Variants in SHC4 observed in about 807,000 individuals in gnomAD.
SHC4 encodes the protein SHC adaptor protein 4, also known as SHC-transforming protein 4.
SHC4 carries 41 observed loss-of-function variants against 69.4 expected under a neutral mutation model. The ratio of observed to expected loss-of-function variants is 0.59; its 90% CI spans 0.46 to 0.77. SHC4 has a LOEUF of 0.77. Ranked by LOEUF, SHC4 falls within the 30% of genes least tolerant of loss-of-function variation. The probability of loss-of-function intolerance (pLI) is 0.00; values close to 1 mark genes in which losing one functional copy is unlikely to be tolerated. For synonymous variants in SHC4, 318 were observed against 299.3 expected (o/e 1.06, Z -0.64); for missense variants, 777 against 783.8 (o/e 0.99, Z 0.10).
intron 1 of SHC4, among the ~76,000 whole-genome samples, chr15:48,944,515 G>C (rs1006098388): frequency 2.6e-5 from 4 of 152,146 alleles, no homozygotes; most frequent in Non-Finnish European, 4.4e-5. Context: ...TTGCAATCTT[G>C]AATGAGCCCA....
At chr15:48,919,473 G>C (rs1900700830) in intron 2 of SHC4, among the ~76,000 whole-genome samples, 1 of 151,012 alleles carries the variant, frequency 6.6e-6, no homozygotes, top group East Asian at 1.9e-4. Flanking sequence ...ATTTTTGGTA[G>C]AGATGGGATT....
chr15:48,901,248 A>T lies in SHC4; in HGVS notation c.657-10437T>A, dbSNP rs190235427. Among the ~76,000 whole-genome samples, 69 of 152,346 alleles carry T rather than the reference A, an allele frequency of 4.5e-4. 1 individual carries two copies. The highest frequency in any genetic ancestry group is 1.6e-3 in the African/African-American group (68 of 41,574). ...TTCTCTGACTCTTGCTCTAAAGCAAACCGGAAACAAATGTAAGAGGCTTTG... is the reference window on the plus strand; with the variant it reads ...TTCTCTGACTCTTGCTCTAAAGCAATCCGGAAACAAATGTAAGAGGCTTTG... On this transcript the variant is annotated intron_variant, in intron 2 of 11. Coordinates refer to ENST00000332408, the MANE Select transcript of SHC4 (RefSeq NM_203349.4).
chr15:48,834,605 C>A (rs1478469717), intron 11 of SHC4, among the ~76,000 whole-genome samples, 164 bp downstream of exon 11: 1 of 152,078 alleles, frequency 6.6e-6, no homozygotes, highest in Non-Finnish European at 1.5e-5. Flanking sequence ...CTACTCTAAC[C>A]CCTCCACTAC....
At chr15:48,962,212 C>T (rs1376317407) in intron 1 of SHC4, among the ~76,000 whole-genome samples, 3 of 152,162 alleles carry the variant, frequency 2.0e-5, no homozygotes, top group East Asian at 1.9e-4. Flanking sequence ...CAAGTTAGCA[C>T]CGGTTCATGT....
chr15:48,835,179 G>C (rs1211809677), intron 10 of SHC4, among the ~76,000 whole-genome samples, 157 bp from the exon 11 acceptor site: 1 of 152,142 alleles, frequency 6.6e-6, no homozygotes, highest in African/African-American at 2.4e-5. Context: ...TTTGTTTTCA[G>C]AACTCCCAAC....
chr15:48,858,322 G>A (rs1383485950), intron 6 of SHC4, among the ~76,000 whole-genome samples: 1 of 152,128 alleles, frequency 6.6e-6, no homozygotes, highest in African/African-American at 2.4e-5. Flanking sequence ...CCGCCCCGCT[G>A]CCACCCCTTT....
chr15:48,857,771 T>TGACGTCTTGGGCCATTCCATTGTGGCA lies in SHC4; in HGVS notation c.964_990dup (p.Cys322_Val330dup). On this transcript the variant is annotated inframe_insertion, in exon 7 of 12. Coordinates refer to ENST00000332408, the MANE Select transcript of SHC4 (RefSeq NM_203349.4). ...TCAAAAGCCTGCCCTATGGTACTTA[T>TGACGTCTTGGGCCATTCCATTGTGGCA]GACGTCTTGGGCCATTCCATTGTGG... The TGACGTCTTGGGCCATTCCATTGTGGCA allele has an allele frequency of 6.2e-7, 1 of 1,605,502 alleles. No homozygotes were observed. The highest frequency in any genetic ancestry group is 8.5e-7 in the Non-Finnish European group (1 of 1,174,786).
chr15:48,910,626 G>T (rs1252707654), intron 2 of SHC4, among the ~76,000 whole-genome samples: 5 of 151,784 alleles, frequency 3.3e-5, no homozygotes, highest in African/African-American at 4.8e-5. Flanking sequence ...GTTTGTTCTT[G>T]TTTCTCTAGT....
At chr15:48,935,492 T>G (rs890949884) in intron 1 of SHC4, among the ~76,000 whole-genome samples, 3 of 152,184 alleles carry the variant, frequency 2.0e-5, no homozygotes, top group African/African-American at 4.8e-5. Flanking sequence ...AGAAATGATG[T>G]TCAGGAAGTC....
chr15:48,942,393 G>A (rs561697389), intron 1 of SHC4, among the ~76,000 whole-genome samples: 10 of 151,818 alleles, frequency 6.6e-5, no homozygotes, highest in African/African-American at 2.4e-4. Context: ...CTCAAATAAC[G>A]CTGTTATAAC....
chr15:48,920,204 G>A (rs185484705), intron 2 of SHC4, among the ~76,000 whole-genome samples: 2,657 of 150,040 alleles, frequency 0.018, 80 homozygotes, highest in African/African-American at 0.063. Flanking sequence ...TGTATTTTTA[G>A]TAGAGATGGG....
chr15:48,887,475 G>A (rs551638057), intron 3 of SHC4, among the ~76,000 whole-genome samples: 1 of 152,106 alleles, frequency 6.6e-6, no homozygotes, highest in South Asian at 2.1e-4. Flanking sequence ...AAAAACCACC[G>A]CATACCAAAA....
At chr15:48,864,012 C>G (rs1899504719) in intron 6 of SHC4, among the ~76,000 whole-genome samples, 2 of 152,138 alleles carry the variant, frequency 1.3e-5, no homozygotes, top group Non-Finnish European at 2.9e-5. Flanking sequence ...AAATGCCTGG[C>G]ACATAGTAAG....
intron 4 of SHC4, among the ~76,000 whole-genome samples, chr15:48,882,242 C>T (rs1458550684): frequency 1.3e-5 from 2 of 152,096 alleles, no homozygotes; most frequent in African/African-American, 4.8e-5. Flanking sequence ...CATCTCTCCC[C>T]CATATCCCCC....
chr15:48,857,724 C>T lies in SHC4; in HGVS notation c.1038G>A (p.Leu346=), dbSNP rs748625814. Residue 346 remains leucine, a synonymous_variant, in exon 7 of 12, where the codon TTG becomes TTA. Transcript: ENST00000332408. ...QAFELRFKQY[L]KNPSLNTSCE... is the part of the protein sequence containing the mutation. Reference sequence around the variant, plus strand: ...AAGAAGTATTCAAAGAAGGATTTTTCAAGTACTGTTTAAACCGGAGTTCAA... The same window carrying T: ...AAGAAGTATTCAAAGAAGGATTTTTTAAGTACTGTTTAAACCGGAGTTCAA... The T allele has an allele frequency of 5.0e-6, 8 of 1,603,346 alleles. No homozygotes were observed. The South Asian group carries it at 9.0e-5, about 18-fold the overall frequency.
At chr15:48,958,824 C>T (rs527274531) in intron 1 of SHC4, among the ~76,000 whole-genome samples, 1 of 152,326 alleles carries the variant, frequency 6.6e-6, no homozygotes, top group Non-Finnish European at 1.5e-5. Context: ...AATGAAGTCA[C>T]ATTTGACACC....
rs1212854445 is a variant in SHC4 at position 48,823,816 on chromosome 15, G to C, written c.*2155C>G. Reference sequence around the variant, plus strand: ...ATAGGCAAATGGATTTCCACTTTAAGACAGATAAAGAATGTGAGATTAAAA... The same window carrying C: ...ATAGGCAAATGGATTTCCACTTTAACACAGATAAAGAATGTGAGATTAAAA... On this transcript the variant is annotated 3_prime_UTR_variant, in exon 12 of 12. Coordinates refer to ENST00000332408, the MANE Select transcript of SHC4 (RefSeq NM_203349.4). 2.0e-5 allele frequency: 3 copies of C among 152,124 alleles called. No homozygotes were observed. Among genetic ancestry groups the C allele is most frequent in the Non-Finnish European group, 4.4e-5 (3 of 68,008 alleles). 9.4% of individuals were successfully genotyped at this position (152,124 alleles called of 1,614,324 possible).
intron 2 of SHC4, among the ~76,000 whole-genome samples, chr15:48,899,676 C>A (rs1370146443): frequency 1.3e-5 from 2 of 151,588 alleles, no homozygotes; most frequent in African/African-American, 4.9e-5. Flanking sequence ...AATGTGTGTG[C>A]ACCTCTGGAA....
At chr15:48,948,094 G>T (rs1901305676) in intron 1 of SHC4, 1 of 152,170 alleles carries the variant, frequency 6.6e-6, no homozygotes, top group African/African-American at 2.4e-5. Context: ...ATTCTGCATG[G>T]GCAGCCAAGA....
Sources: gnomAD v4.1 joint callset for allele counts (sites outside exome capture counted in the v4.1 genomes callset) on GRCh38, gnomAD v4.1.1 for gene constraint, MANE v1.5 for transcripts, NCBI Gene and HGNC (gene_info 2026-07-23, HGNC 2026-07-21) for gene names.